The following NFATC2 variants were observed in gnomAD, a reference collection of about 807,000 sequenced individuals.
NFATC2 encodes the protein nuclear factor of activated T-cells, cytoplasmic 2.
A neutral mutation model predicts 87.3 loss-of-function variants in NFATC2; 22 were observed. That is an observed-to-expected ratio of 0.25 (90% CI 0.18 to 0.36). The LOEUF is 0.36. Among genes scored for constraint, NFATC2 ranks in the 10% least tolerant of loss-of-function variants. The pLI is 1.00. For missense variants in NFATC2, 1,149 were observed against 1,259.1 expected, an observed-to-expected ratio of 0.91 and a Z score of 1.32; for synonymous variants, 565 against 542.2, an observed-to-expected ratio of 1.04 and a Z score of -0.58.
chr20:51,522,066 G>T (rs59994859), intron 2 of NFATC2, among the ~76,000 whole-genome samples: 6,851 of 152,244 alleles, frequency 0.045, 184 homozygotes, highest in South Asian at 0.068. Context: ...ATGGGAGGAT[G>T]TGCATAGGTT....
At chr20:51,425,772 A>G (rs1196136459) in intron 9 of NFATC2, among the ~76,000 whole-genome samples, 26 of 152,084 alleles carry the variant, frequency 1.7e-4, no homozygotes, top group Admixed American at 1.6e-3. Flanking sequence ...CTCTCTGTTC[A>G]TTCCTCCCCC....
At chr20:51,454,719 A>C (rs777169672) in intron 5 of NFATC2, 31 bp from the exon 6 acceptor site, 2 of 1,611,808 alleles carry the variant, frequency 1.2e-6, no homozygotes. Context: ...AGTCACTGTG[A>C]TAAGGGGAGA....
At chr20:51,520,035 C>A (rs2076418745) in intron 2 of NFATC2, among the ~76,000 whole-genome samples, 1 of 152,100 alleles carries the variant, frequency 6.6e-6, no homozygotes, top group Non-Finnish European at 1.5e-5. Flanking sequence ...TATCAAGAGA[C>A]TTCCCTGATG....
At chr20:51,488,093 T>C (rs1435658724) in intron 3 of NFATC2, among the ~76,000 whole-genome samples, 1 of 152,106 alleles carries the variant, frequency 6.6e-6, no homozygotes, top group African/African-American at 2.4e-5. Flanking sequence ...TGGAAGCCTG[T>C]GGGCTGAGCC....
intron 3 of NFATC2, among the ~76,000 whole-genome samples, chr20:51,484,676 C>T (rs1195474188): frequency 6.6e-6 from 1 of 152,268 alleles, no homozygotes; most frequent in Non-Finnish European, 1.5e-5. Flanking sequence ...CAATTCTCCT[C>T]CCGGCCCACA....
intron 9 of NFATC2, among the ~76,000 whole-genome samples, chr20:51,405,444 C>CTCACT (rs1355618707): frequency 3.2e-5 from 2 of 62,182 alleles, no homozygotes; most frequent in African/African-American, 4.7e-5. Context: ...GTCATCTCAC[C>CTCACT]GTGCCTCACC....
At chr20:51,428,600 G>C (rs117215398) in intron 9 of NFATC2, among the ~76,000 whole-genome samples, 3,210 of 152,266 alleles carry the variant, frequency 0.021, 41 homozygotes, top group Non-Finnish European at 0.032. Flanking sequence ...CAGACGCGAC[G>C]CTGGGATCAC....
chr20:51,556,092 A>G (rs1285395689), intron 1 of NFATC2, among the ~76,000 whole-genome samples: 1 of 152,206 alleles, frequency 6.6e-6, no homozygotes, highest in African/African-American at 2.4e-5. Context: ...TCACATGAAG[A>G]CAGAGGCAGA....
At chr20:51,435,906 C>T in intron 6 of NFATC2, 145 bp from the exon 7 acceptor site, 1 of 658,236 alleles carries the variant, frequency 1.5e-6, no homozygotes, top group South Asian at 1.9e-5. Context: ...CGTGTGTGTA[C>T]ATATGTATTT....
chr20:51,435,597 T>A, intron 7 of NFATC2, 109 bp downstream of exon 7: 1 of 1,228,776 alleles, frequency 8.1e-7, no homozygotes, highest in South Asian at 1.3e-5. Context: ...ACCTGTTAGG[T>A]CCAGAGCTCT....
At chr20:51,402,479 G>GAAA (rs11453961) in intron 9 of NFATC2, among the ~76,000 whole-genome samples, 32 of 147,924 alleles carry the variant, frequency 2.2e-4, no homozygotes, top group African/African-American at 7.2e-4. Flanking sequence ...GCTGCCTTTG[G>GAAA]AAAAAAAAAA....
chr20:51,555,875 G>A (rs1220069660), intron 1 of NFATC2, among the ~76,000 whole-genome samples: 3 of 152,202 alleles, frequency 2.0e-5, no homozygotes, highest in Non-Finnish European at 2.9e-5. Context: ...TCCTACTCTT[G>A]TAGATTGAAT....
At chr20:51,452,583 C>T (rs1985936818) in intron 6 of NFATC2, among the ~76,000 whole-genome samples, 1 of 152,176 alleles carries the variant, frequency 6.6e-6, no homozygotes, top group Non-Finnish European at 1.5e-5. Flanking sequence ...CCAAGAAGGC[C>T]CATGGGTACA....
chr20:51,396,682 G>A (rs993273233), intron 10 of NFATC2, among the ~76,000 whole-genome samples: 1 of 152,184 alleles, frequency 6.6e-6, no homozygotes, highest in African/African-American at 2.4e-5. Flanking sequence ...AGAGCCAAGA[G>A]GGGGCCCAAG....
chr20:51,455,956 ATGGG>A (rs1406873590), intron 5 of NFATC2, among the ~76,000 whole-genome samples: 1 of 22,972 alleles, frequency 4.4e-5, no homozygotes, highest in Non-Finnish European at 7.5e-5. Context: ...GGATGAGTGG[ATGGG>A]TGGGTGGGTG....
chr20:51,424,277 G>A (rs1167961309), intron 9 of NFATC2, among the ~76,000 whole-genome samples: 1 of 152,184 alleles, frequency 6.6e-6, no homozygotes, highest in Admixed American at 6.5e-5. Flanking sequence ...AATTTACAGA[G>A]GTAGCCTGAC....
At chr20:51,419,097 G>A (rs569087041) in intron 9 of NFATC2, among the ~76,000 whole-genome samples, 6 of 152,230 alleles carry the variant, frequency 3.9e-5, no homozygotes, top group African/African-American at 1.4e-4. Context: ...GTCCTCACTG[G>A]CACACAGTAG....
chr20:51,520,929 G>A (rs2076435236), intron 2 of NFATC2, among the ~76,000 whole-genome samples: 1 of 152,134 alleles, frequency 6.6e-6, no homozygotes, highest in Non-Finnish European at 1.5e-5. Context: ...AAAGTGCTGG[G>A]ATTACAGGCA....
rs765239683 is a variant in NFATC2 at position 51,523,094 on chromosome 20, T to G, written c.1147A>C (p.Ile383Leu). The change falls in exon 2 of 11, where the codon ATT (isoleucine) becomes CTT (leucine). Residue 383 changes from isoleucine (I) to leucine (L), a missense_variant. Around this residue, in one of 3 missense-constraint regions of NFATC2, gnomAD observed 563 missense variants for 585.2 expected, o/e 0.96. Coordinates refer to ENST00000371564, the MANE Select transcript of NFATC2 (RefSeq NM_012340.5). This position sits in a 1 kb window ranked among gnomAD's most constrained non-coding sequence, Gnocchi z 6.9. ...AGCCCTGCTCACCTGCAGATGGGAA[T>G]GGCAGGCACCAGCGGCTTGGGCCAA... ...PTWPKPLVPA[I>L]PICSIPVTAS... 2.1e-5 allele frequency: 34 copies of G among 1,614,112 alleles called. 1 individual carries two copies. In the African/African-American group the frequency reaches 3.3e-4, roughly 16 times the overall value.
Sources: allele counts gnomAD v4.1 joint callset (sites outside exome capture counted in the v4.1 genomes callset), GRCh38; gene constraint gnomAD v4.1.1; regional missense constraint gnomAD v4.1.1; non-coding constraint Gnocchi (gnomAD v3.1); transcripts MANE v1.5; gene names NCBI Gene and HGNC (gene_info 2026-07-23, HGNC 2026-07-21).